The following DERA variants were observed in gnomAD, a reference collection of about 807,000 sequenced individuals.
DERA encodes deoxyribose-phosphate aldolase, also known as 2-deoxy-D-ribose 5-phosphate aldolase.
Under a neutral mutation model 41.1 loss-of-function variants are expected in DERA, and 15 were observed. The observed-to-expected ratio is 0.37, with a 90% CI of 0.24 to 0.56. The LOEUF (loss-of-function observed/expected upper bound fraction) is 0.56. Among genes scored for constraint, DERA ranks in the 20% least tolerant of loss-of-function variants. DERA has a pLI of 0.81. For missense variants in DERA, 396 were observed against 403.4 expected (o/e 0.98, Z 0.16); for synonymous variants, 139 against 137.4 (o/e 1.01, Z -0.08).
chr12:15,919,890 A>AT (rs1289530381), intron 1 of DERA, among the ~76,000 whole-genome samples: 1 of 152,152 alleles, frequency 6.6e-6, no homozygotes, highest in African/African-American at 2.4e-5. Flanking sequence ...AAATATCCAG[A>AT]TTAACTGCTC....
intron 6 of DERA, among the ~76,000 whole-genome samples, chr12:16,015,232 A>G (rs1385001165): frequency 6.6e-6 from 1 of 152,172 alleles, no homozygotes; most frequent in African/African-American, 2.4e-5. Context: ...GGGAAGGGCC[A>G]GGGGCAGAAT....
chr12:15,998,098 A>G lies in DERA; in HGVS notation c.637+15662A>G, dbSNP rs1378789223. Among the ~76,000 whole-genome samples, 3 of 152,224 alleles carry G rather than the reference A, an allele frequency of 2.0e-5. No homozygotes were observed. Among genetic ancestry groups the G allele is most frequent in the Admixed American group, 6.5e-5 (1 of 15,288 alleles). ...ACAAGGTTCTCAACCTGGGCTGCAC[A>G]TTAGAGTTTCCTGGCAAGCTTCTTT... is the stretch of plus-strand genomic sequence containing the variant. On this transcript the variant is annotated intron_variant, in intron 6 of 8. Coordinates refer to ENST00000428559, the MANE Select transcript of DERA (RefSeq NM_015954.4). This position sits in a 1 kb window ranked among gnomAD's most constrained non-coding sequence, Gnocchi z 4.8.
chr12:15,993,745 C>A lies in DERA; in HGVS notation c.637+11309C>A, dbSNP rs546252692. On this transcript the variant is annotated intron_variant, in intron 6 of 8. Coordinates refer to ENST00000428559, the MANE Select transcript of DERA (RefSeq NM_015954.4). This position sits in a 1 kb window ranked among gnomAD's most constrained non-coding sequence, Gnocchi z 4.4. ...ATAGATTTAAATTCAGGTCCCCAAG[C>A]AAAAATTTTATAAAGTTTACCCCCA... 4.3e-4 allele frequency among the ~76,000 whole-genome samples: 66 copies of A among 152,192 alleles called. No homozygotes were observed. The highest frequency in any genetic ancestry group is 1.5e-3 in the African/African-American group (64 of 41,518).
At chr12:15,945,947 T>C (rs761552411) in intron 1 of DERA, among the ~76,000 whole-genome samples, 2 of 152,232 alleles carry the variant, frequency 1.3e-5, no homozygotes, top group African/African-American at 4.8e-5. Flanking sequence ...AGAAGGGCTG[T>C]TGAATTTTGT....
rs1392322572 is a variant in DERA at position 16,013,942 on chromosome 12, CT to C, written c.638-18599del. Among the ~76,000 whole-genome samples, 40 of 152,166 alleles carry C rather than the reference CT, an allele frequency of 2.6e-4. No homozygotes were observed. Among genetic ancestry groups the C allele is most frequent in the African/African-American group, 9.7e-4 (40 of 41,438 alleles). ...CAAAGAGACTGGTGGCACTTTGCCC[CT>C]GCCCTAAAGATCTGCGGAACTTTGA... On this transcript the variant is annotated intron_variant, in intron 6 of 8. Coordinates refer to ENST00000428559, the MANE Select transcript of DERA (RefSeq NM_015954.4). This position sits in a 1 kb window ranked among gnomAD's most constrained non-coding sequence, Gnocchi z 5.8.
intron 1 of DERA, among the ~76,000 whole-genome samples, chr12:15,945,787 G>A (rs536043552): frequency 3.3e-5 from 5 of 152,284 alleles, no homozygotes; most frequent in South Asian, 4.1e-4. Context: ...GTGGGTGAGA[G>A]AGGGCATCCC....
rs1948806671 is a variant in DERA at position 15,992,158 on chromosome 12, G to C, written c.637+9722G>C. Among the ~76,000 whole-genome samples the C allele has an allele frequency of 6.6e-6, 1 of 150,438 alleles. No homozygotes were observed. The highest frequency in any genetic ancestry group is 1.5e-5 in the Non-Finnish European group (1 of 67,730). On this transcript the variant is annotated intron_variant, in intron 6 of 8. Coordinates refer to ENST00000428559, the MANE Select transcript of DERA (RefSeq NM_015954.4). This position sits in a 1 kb window ranked among gnomAD's most constrained non-coding sequence, Gnocchi z 4.3. ...TTCCTCTGCGATTACTATCAAACCT[G>C]GCATATAGTAGAGCCTAAGAATATA...
intron 1 of DERA, among the ~76,000 whole-genome samples, chr12:15,949,013 G>A (rs185524590): frequency 5.9e-5 from 9 of 152,294 alleles, no homozygotes; most frequent in Admixed American, 3.9e-4. Context: ...GCAGAACGGC[G>A]AATATTGCTG....
intron 6 of DERA, among the ~76,000 whole-genome samples, chr12:16,006,039 T>C (rs1948908253): frequency 6.6e-6 from 1 of 152,236 alleles, no homozygotes; most frequent in Admixed American, 6.5e-5. Flanking sequence ...TTTAAGCCTA[T>C]TAAAAGTTAA....
At chr12:16,018,448 A>G (rs929976874) in intron 6 of DERA, among the ~76,000 whole-genome samples, 2 of 152,174 alleles carry the variant, frequency 1.3e-5, no homozygotes, top group Non-Finnish European at 2.9e-5. Flanking sequence ...ATGAACTGGA[A>G]AATGTTCATC....
At chr12:16,022,041 C>A (rs1460037577) in intron 6 of DERA, among the ~76,000 whole-genome samples, 1 of 152,146 alleles carries the variant, frequency 6.6e-6, no homozygotes, top group Non-Finnish European at 1.5e-5. Flanking sequence ...ATTTGAGAGA[C>A]CAGACGCAGA....
At chr12:15,942,154 T>G (rs1280747799) in intron 1 of DERA, among the ~76,000 whole-genome samples, 1 of 152,222 alleles carries the variant, frequency 6.6e-6, no homozygotes, top group African/African-American at 2.4e-5. Context: ...TGGTTATTTG[T>G]ATATCTTCTT....
At chr12:16,022,540 G>C (rs965862137) in intron 6 of DERA, among the ~76,000 whole-genome samples, 6 of 152,104 alleles carry the variant, frequency 3.9e-5, no homozygotes, top group East Asian at 1.9e-4. Flanking sequence ...TAAAGGCTTG[G>C]CTTGATATTT....
At position 16,001,396 on chromosome 12, in the gene DERA, C is replaced by G. The variant is rs1020696299; in HGVS notation, c.637+18960C>G. Among the ~76,000 whole-genome samples, 7 of 152,104 alleles carry G rather than the reference C, an allele frequency of 4.6e-5. No individual in the cohort carries two copies. The highest frequency in any genetic ancestry group is 1.7e-4 in the African/African-American group (7 of 41,430). ...CACTGGCTGTTTTCTTTGGTTGTTC[C>G]TTCAGGGCTAGAGTGGAAAAGTTCA... On this transcript the variant is annotated intron_variant, in intron 6 of 8. Coordinates refer to ENST00000428559, the MANE Select transcript of DERA (RefSeq NM_015954.4). This position sits in a 1 kb window ranked among gnomAD's most constrained non-coding sequence, Gnocchi z 4.1.
At chr12:16,007,984 G>C (rs1034853780) in intron 6 of DERA, among the ~76,000 whole-genome samples, 8 of 152,262 alleles carry the variant, frequency 5.3e-5, no homozygotes, top group South Asian at 2.1e-4. Flanking sequence ...CCTAGTAGCT[G>C]AGATTACAGG....
At chr12:15,912,827 C>G (rs142093593) in intron 1 of DERA, among the ~76,000 whole-genome samples, 1 of 152,064 alleles carries the variant, frequency 6.6e-6, no homozygotes, top group Non-Finnish European at 1.5e-5. Context: ...GATTTTTTGT[C>G]GAATGGTAAG....
At chr12:15,977,006 A>G (rs112247297) in intron 5 of DERA, among the ~76,000 whole-genome samples, 1 of 151,830 alleles carries the variant, frequency 6.6e-6, no homozygotes, top group Non-Finnish European at 1.5e-5. Flanking sequence ...AGTATCTTAT[A>G]TTTCTGAATT....
In DERA at chr12:16,010,695, C is replaced by T. The variant is rs186849807; in HGVS notation, c.638-21847C>T. 6.6e-6 allele frequency among the ~76,000 whole-genome samples: 1 copy of T among 152,012 alleles called. No individual in the cohort carries two copies. Among genetic ancestry groups the T allele is most frequent in the East Asian group, 1.9e-4 (1 of 5,156 alleles). ...ACTGCAGTCACCTAGATGGCCAACC[C>T]CAGGGTTCCATATAGTAAATGCTTT... On this transcript the variant is annotated intron_variant, in intron 6 of 8. Transcript: ENST00000428559. The surrounding 1 kb of genome is among the most constrained non-coding windows in gnomAD (Gnocchi z 5.5).
chr12:15,991,006 G>A (rs1256938394), intron 6 of DERA, among the ~76,000 whole-genome samples: 12 of 152,092 alleles, frequency 7.9e-5, no homozygotes, highest in Admixed American at 7.9e-4. Context: ...AGGTATTTCT[G>A]TCTTTAGATC....
Sources: gnomAD v4.1 joint callset for allele counts (sites outside exome capture counted in the v4.1 genomes callset) on GRCh38, gnomAD v4.1.1 for gene constraint, Gnocchi (gnomAD v3.1) non-coding constraint, MANE v1.5 for transcripts, NCBI Gene and HGNC (gene_info 2026-07-23, HGNC 2026-07-21) for gene names.